SYBU: variants seen among roughly 807,000 people sequenced by gnomAD.
The protein encoded by SYBU is syntabulin, also known as GOLSYN A protein.
A neutral mutation model predicts 35.9 loss-of-function variants in SYBU; 21 were observed. The observed-to-expected ratio is 0.58, with a 90% CI of 0.41 to 0.84. The LOEUF (loss-of-function observed/expected upper bound fraction) is 0.84. Ranked by LOEUF, SYBU falls within the 40% of genes least tolerant of loss-of-function variation. SYBU has a pLI of 0.00. For missense variants in SYBU, 768 were observed against 848.2 expected, an observed-to-expected ratio of 0.91 and a Z score of 1.17; for synonymous variants, 319 against 324.3, an observed-to-expected ratio of 0.98 and a Z score of 0.18.
intron 1 of SYBU, among the ~76,000 whole-genome samples, chr8:109,663,824 A>G (rs1231453388): frequency 6.6e-6 from 1 of 152,146 alleles, no homozygotes; most frequent in African/African-American, 2.4e-5. Context: ...GCTATTTCAT[A>G]CTAAACAAGT....
intron 1 of SYBU, among the ~76,000 whole-genome samples, chr8:109,650,502 G>T (rs1372399673): frequency 1.3e-5 from 2 of 152,192 alleles, no homozygotes; most frequent in African/African-American, 2.4e-5. Context: ...AGCAGGGAAT[G>T]GTTGGGCTGT....
At chr8:109,651,169 G>T (rs971391659) in intron 1 of SYBU, among the ~76,000 whole-genome samples, 5 of 152,200 alleles carry the variant, frequency 3.3e-5, no homozygotes, top group African/African-American at 1.2e-4. Flanking sequence ...TCTGGTCCTG[G>T]TGGAGACCGG....
chr8:109,631,293 C>T (rs1207385086), intron 2 of SYBU, among the ~76,000 whole-genome samples: 1 of 152,162 alleles, frequency 6.6e-6, no homozygotes, highest in Non-Finnish European at 1.5e-5. Flanking sequence ...ATGAACACCT[C>T]ACACTAAGAC....
At chr8:109,661,418 T>G (rs549499250) in intron 1 of SYBU, among the ~76,000 whole-genome samples, 1 of 152,352 alleles carries the variant, frequency 6.6e-6, no homozygotes, top group East Asian at 1.9e-4. Context: ...TAGTGTCATC[T>G]ATGTAAATGC....
chr8:109,624,927 C>T (rs549888412), intron 2 of SYBU, among the ~76,000 whole-genome samples: 2 of 152,172 alleles, frequency 1.3e-5, no homozygotes, highest in South Asian at 4.2e-4. Flanking sequence ...CATCAGTGGC[C>T]ATCTAGCCAA....
chr8:109,675,323 G>T (rs1222762836), intron 1 of SYBU, among the ~76,000 whole-genome samples: 1 of 152,000 alleles, frequency 6.6e-6, no homozygotes, highest in Non-Finnish European at 1.5e-5. Context: ...GACAAGAAAA[G>T]CCCTTCAAAA....
intron 2 of SYBU, among the ~76,000 whole-genome samples, chr8:109,622,646 TATTTATTAAACCTGCTTCAGTTA>T (rs1812558509): frequency 6.6e-6 from 1 of 152,220 alleles, no homozygotes; most frequent in South Asian, 2.1e-4. Context: ...TAAAGAGATT[TATTTATTAAACCTGCTTCAGTTA>T]AACTATGGGA....
At chr8:109,594,502 AT>A (rs550758970) in intron 3 of SYBU, among the ~76,000 whole-genome samples, 1 of 151,904 alleles carries the variant, frequency 6.6e-6, no homozygotes, top group Non-Finnish European at 1.5e-5. Context: ...CCCTAAAATA[AT>A]TTTTTTTAAA....
At chr8:109,637,924 C>A (rs1469050411) in intron 2 of SYBU, among the ~76,000 whole-genome samples, 6 of 152,188 alleles carry the variant, frequency 3.9e-5, no homozygotes, top group Admixed American at 2.6e-4. Flanking sequence ...TAACAAAATA[C>A]TTTCTGCAAA....
chr8:109,673,820 A>G (rs1036918679), intron 1 of SYBU, among the ~76,000 whole-genome samples: 3 of 152,246 alleles, frequency 2.0e-5, no homozygotes, highest in African/African-American at 7.2e-5. Context: ...TAGAATAACC[A>G]GTTTAGAGAA....
At chr8:109,660,125 T>C (rs1176066016) in intron 1 of SYBU, among the ~76,000 whole-genome samples, 3 of 152,160 alleles carry the variant, frequency 2.0e-5, no homozygotes, top group South Asian at 2.1e-4. Flanking sequence ...TCCACATTGA[T>C]TTCAAATTTA....
chr8:109,680,374 G>A (rs542465573), intron 1 of SYBU, among the ~76,000 whole-genome samples: 4 of 79,908 alleles, frequency 5.0e-5, no homozygotes, highest in African/African-American at 2.2e-4. Flanking sequence ...GTGAAGAACC[G>A]AAAGAAATTA....
intron 1 of SYBU, among the ~76,000 whole-genome samples, chr8:109,662,527 A>G (rs914020822): frequency 1.3e-5 from 2 of 152,174 alleles, no homozygotes; most frequent in African/African-American, 4.8e-5. Flanking sequence ...TTTCCAATGT[A>G]GGCTAAAGCC....
chr8:109,611,603 A>T (rs1811179990), intron 3 of SYBU, among the ~76,000 whole-genome samples: 1 of 152,214 alleles, frequency 6.6e-6, no homozygotes, highest in Admixed American at 6.5e-5. Flanking sequence ...TTAGAGATCT[A>T]TTTCAGTATA....
At chr8:109,675,770 T>G (rs1011451659) in intron 1 of SYBU, among the ~76,000 whole-genome samples, 1 of 152,088 alleles carries the variant, frequency 6.6e-6, no homozygotes, top group African/African-American at 2.4e-5. Context: ...AAACAGGGAC[T>G]CCTCCCTAAC....
In SYBU at chr8:109,691,479, C is replaced by T. The variant is rs1477158153; in HGVS notation, c.-204G>A. 1.3e-5 allele frequency: 7 copies of T among 541,448 alleles called. No individual in the cohort carries two copies. Among genetic ancestry groups the T allele is most frequent in the Non-Finnish European group, 1.9e-5 (6 of 314,830 alleles). The allele number at this position is 541,448 out of a possible 1,614,324, so 33.5% of individuals were successfully genotyped here. A position where few individuals can be genotyped will look rare whatever the true frequency, so the allele number is the denominator to read the frequency against. The stretch of plus-strand genomic sequence containing the variant: ...TTGCGCTCAGGCCCGGGGAGCCGGG[C>T]CCGGCCCGCTCCGCCCGCCTTAGCC... On this transcript the variant is annotated 5_prime_UTR_variant, in exon 1 of 8. Coordinates refer to the SYBU transcript ENST00000422135. The surrounding 1 kb of genome is among the most constrained non-coding windows in gnomAD (Gnocchi z 4.7).
At chr8:109,593,004 T>C (rs1169381357) in intron 3 of SYBU, among the ~76,000 whole-genome samples, 4 of 152,194 alleles carry the variant, frequency 2.6e-5, no homozygotes, top group African/African-American at 9.7e-5. Flanking sequence ...AAAATTATTA[T>C]TAATAATGCA....
At chr8:109,645,018 C>A (rs1815480598), upstream of SYBU, 6 of 489,924 alleles carry the variant, frequency 1.2e-5, no homozygotes, top group South Asian at 9.0e-5. Flanking sequence ...GGTGTCCCTC[C>A]CTCTCCAAGG....
intron 3 of SYBU, among the ~76,000 whole-genome samples, chr8:109,614,130 TC>T (rs1219608065): frequency 6.6e-6 from 1 of 152,256 alleles, no homozygotes; most frequent in Non-Finnish European, 1.5e-5. Flanking sequence ...TTTTCTCCTT[TC>T]TCACTTTCTA....
Sources: gnomAD v4.1 joint callset for allele counts (sites outside exome capture counted in the v4.1 genomes callset) on GRCh38, gnomAD v4.1.1 for gene constraint, Gnocchi (gnomAD v3.1) non-coding constraint, MANE v1.5 for transcripts, NCBI Gene and HGNC (gene_info 2026-07-23, HGNC 2026-07-21) for gene names.